FMN2: variants seen among roughly 807,000 people sequenced by gnomAD.
FMN2 encodes formin-2.
In FMN2, 51 loss-of-function variants were observed where a neutral mutation model predicts 142.3. That is an observed-to-expected ratio of 0.36 (90% CI 0.29 to 0.45). The LOEUF is 0.45. Ranked by LOEUF, FMN2 falls within the 20% of genes least tolerant of loss-of-function variation. FMN2 has a pLI of 1.00. For synonymous variants in FMN2, 882 were observed against 869.8 expected (o/e 1.01, Z -0.25); for missense variants, 1,936 against 2,122.8 (o/e 0.91, Z 1.73).
At chr1:240,437,112 C>G (rs746000034) in intron 15 of FMN2, among the ~76,000 whole-genome samples, 25 of 152,124 alleles carry the variant, frequency 1.6e-4, no homozygotes, top group Non-Finnish European at 3.2e-4. Flanking sequence ...TGTTCTTTGT[C>G]AAATAACCAC....
chr1:240,107,500 A>C (rs2103187947), intron 1 of FMN2, among the ~76,000 whole-genome samples: 1 of 152,322 alleles, frequency 6.6e-6, no homozygotes, highest in African/African-American at 2.4e-5. Context: ...AAATTAAAAA[A>C]ACATTTTTCT....
At chr1:240,433,197 TA>T (rs1675235090) in intron 15 of FMN2, among the ~76,000 whole-genome samples, 1 of 152,196 alleles carries the variant, frequency 6.6e-6, no homozygotes, top group African/African-American at 2.4e-5. Context: ...GATGCTTTTA[TA>T]ATTATGAAAT....
At chr1:240,198,320 T>C (rs1348151773) in intron 4 of FMN2, among the ~76,000 whole-genome samples, 4 of 152,194 alleles carry the variant, frequency 2.6e-5, no homozygotes, top group African/African-American at 7.2e-5. Flanking sequence ...GTTTGTTCAC[T>C]AAAGATCATT....
intron 14 of FMN2, among the ~76,000 whole-genome samples, chr1:240,386,323 A>G (rs780876524): frequency 1.3e-5 from 2 of 152,244 alleles, no homozygotes; most frequent in Non-Finnish European, 2.9e-5. Flanking sequence ...ATGCACATTC[A>G]TAGCTAATTA....
chr1:240,232,828 AT>A (rs942145988), intron 6 of FMN2, among the ~76,000 whole-genome samples: 12 of 151,822 alleles, frequency 7.9e-5, no homozygotes, highest in Non-Finnish European at 1.0e-4. Context: ...TCTACTATAC[AT>A]TTTTTTTCCC....
chr1:240,314,043 CT>C (rs1292935890), intron 8 of FMN2, among the ~76,000 whole-genome samples: 1 of 151,934 alleles, frequency 6.6e-6, no homozygotes, highest in Non-Finnish European at 1.5e-5. Flanking sequence ...TCAAATTATG[CT>C]TTTGTACATA....
At chr1:240,299,780 A>G (rs1280378000) in intron 8 of FMN2, among the ~76,000 whole-genome samples, 1 of 152,056 alleles carries the variant, frequency 6.6e-6, no homozygotes, top group Non-Finnish European at 1.5e-5. Context: ...CTCAGTTTAT[A>G]CTAGATAATG....
At chr1:240,426,678 A>C (rs1330701412) in intron 15 of FMN2, among the ~76,000 whole-genome samples, 1 of 152,136 alleles carries the variant, frequency 6.6e-6, no homozygotes, top group African/African-American at 2.4e-5. Context: ...GAAATCCCCA[A>C]CAGATATAAT....
intron 14 of FMN2, among the ~76,000 whole-genome samples, chr1:240,379,115 A>T (rs1245178054): frequency 1.3e-5 from 2 of 152,224 alleles, no homozygotes; most frequent in East Asian, 3.9e-4. Flanking sequence ...CATGTGACTC[A>T]GTTGATCCCT....
intron 13 of FMN2, among the ~76,000 whole-genome samples, chr1:240,347,727 G>T (rs115354969): frequency 6.6e-6 from 1 of 152,018 alleles, no homozygotes; most frequent in South Asian, 2.1e-4. Flanking sequence ...AGCGTTGATC[G>T]CGCTCATCTT....
intron 2 of FMN2, among the ~76,000 whole-genome samples, chr1:240,159,510 A>G (rs1274960125): frequency 2.0e-5 from 3 of 152,076 alleles, no homozygotes; most frequent in Non-Finnish European, 4.4e-5. Flanking sequence ...CACCCATCTA[A>G]GAGTCAGGTA....
chr1:240,349,412 C>T (rs182773876), intron 13 of FMN2, among the ~76,000 whole-genome samples: 72 of 152,156 alleles, frequency 4.7e-4, no homozygotes, highest in African/African-American at 1.7e-3. Context: ...TTTCTGGAAG[C>T]TCACAGAAAA....
chr1:240,204,751 C>G (rs529981921), intron 4 of FMN2, among the ~76,000 whole-genome samples: 11 of 145,880 alleles, frequency 7.5e-5, no homozygotes, highest in Non-Finnish European at 1.5e-4. Flanking sequence ...AACTCCGTCG[C>G]AAAAAAAAAA....
At chr1:240,259,154 G>A (rs1192484893) in intron 7 of FMN2, among the ~76,000 whole-genome samples, 2 of 152,188 alleles carry the variant, frequency 1.3e-5, no homozygotes, top group Non-Finnish European at 2.9e-5. Flanking sequence ...CAAGGCTGGC[G>A]CCAGGCAGTA....
At chr1:240,293,451 T>C (rs6659900) in intron 7 of FMN2, among the ~76,000 whole-genome samples, 96,882 of 151,970 alleles carry the variant, frequency 0.64, 32,889 homozygotes, top group African/African-American at 0.89. Flanking sequence ...CTGCACAAAT[T>C]GAAAGAAGAT....
At chr1:240,425,897 A>G (rs1674924674) in intron 15 of FMN2, among the ~76,000 whole-genome samples, 1 of 152,196 alleles carries the variant, frequency 6.6e-6, no homozygotes, top group Admixed American at 6.5e-5. Flanking sequence ...CCTGGCATAT[A>G]GTTACTACCT....
chr1:240,301,901 A>C (rs1670213639), intron 8 of FMN2, among the ~76,000 whole-genome samples: 2 of 134,038 alleles, frequency 1.5e-5, no homozygotes, highest in Non-Finnish European at 3.2e-5. Context: ...GTGATTTTTC[A>C]CCACATTTGA....
chr1:240,106,598 T>G (rs1398431433), intron 1 of FMN2, among the ~76,000 whole-genome samples: 3 of 152,194 alleles, frequency 2.0e-5, no homozygotes, highest in Admixed American at 1.3e-4. Context: ...TTCCTCCTCC[T>G]TATATTTAAT....
chr1:240,372,060 AC>A, intron 14 of FMN2, among the ~76,000 whole-genome samples: 1 of 151,944 alleles, frequency 6.6e-6, no homozygotes, highest in South Asian at 2.1e-4. Flanking sequence ...ACGTGGTGAA[AC>A]CCCGTCTGTA....
Sources: gnomAD v4.1 joint callset for allele counts (sites outside exome capture counted in the v4.1 genomes callset) on GRCh38, gnomAD v4.1.1 for gene constraint, MANE v1.5 for transcripts, NCBI Gene and HGNC (gene_info 2026-07-23, HGNC 2026-07-21) for gene names.